Variants in DEPDC1 observed in about 807,000 individuals in gnomAD.
DEPDC1 encodes the protein DEP domain containing 1.
In DEPDC1, 66 loss-of-function variants were observed where a neutral mutation model predicts 86.8. The ratio of observed to expected loss-of-function variants is 0.76; its 90% CI spans 0.62 to 0.93. The LOEUF (loss-of-function observed/expected upper bound fraction) is 0.93, where lower values mean the gene tolerates loss of function less well. Ranked by LOEUF, DEPDC1 falls within the 40% of genes least tolerant of loss-of-function variation. The pLI is 0.00. For missense variants in DEPDC1, 792 were observed against 935.7 expected (o/e 0.85, Z 2.00); for synonymous variants, 255 against 314.9 (o/e 0.81, Z 2.02).
At chr1:68,479,769 C>CTCTA (rs1646141503) in intron 9 of DEPDC1, among the ~76,000 whole-genome samples, 1 of 150,146 alleles carries the variant, frequency 6.7e-6, no homozygotes, top group African/African-American at 2.5e-5. Context: ...CACCACTGTA[C>CTCTA]TCTAGCCTGG....
rs750269602 is a variant in DEPDC1 at position 68,477,747 on chromosome 1, G to A, written c.2298+40C>T. 3.1e-6 allele frequency: 4 copies of A among 1,289,056 alleles called. No individual in the cohort carries two copies. In the East Asian group the frequency reaches 7.3e-5, roughly 24 times the overall value. The allele number at this position is 1,289,056 out of a possible 1,614,324, so 79.9% of individuals were successfully genotyped here. A position where few individuals can be genotyped will look rare whatever the true frequency, so the allele number is the denominator to read the frequency against. ...ATTAACAACCAGGAACAGCACATTA[G>A]AAAATGTTTACATGATTGAGAACTT... On this transcript the variant is annotated intron_variant, in intron 11 of 11. Transcript: ENST00000456315.
intron 3 of DEPDC1, 106 bp from the exon 4 acceptor site, chr1:68,489,140 T>C: frequency 1.4e-6 from 1 of 731,944 alleles, no homozygotes; most frequent in Non-Finnish European, 2.3e-6. Flanking sequence ...CTATAAAGTA[T>C]CTCCCAAAGA....
At chr1:68,486,596 T>C (rs1183731712) in intron 6 of DEPDC1, among the ~76,000 whole-genome samples, 1 of 151,280 alleles carries the variant, frequency 6.6e-6, no homozygotes, top group Non-Finnish European at 1.5e-5. Flanking sequence ...TACCAAGGAG[T>C]TCAAGCCATT....
chr1:68,483,262 G>A (rs781116561), intron 7 of DEPDC1: 4 of 523,056 alleles, frequency 7.6e-6, no homozygotes, highest in Non-Finnish European at 1.5e-5. Context: ...TTTGATCTTT[G>A]TCCTTGGTAC....
At chr1:68,483,091 A>G (rs1646169164) in intron 7 of DEPDC1, 194 bp from the exon 8 acceptor site, 1 of 609,838 alleles carries the variant, frequency 1.6e-6, no homozygotes, top group Non-Finnish European at 2.8e-6. Context: ...CGTGCAAGAC[A>G]GATGAGTGGT....
Position 68,483,993 on chromosome 1 carries a change from A to C in DEPDC1, c.867T>G (p.Pro289=), listed in dbSNP as rs1646175469. The C allele has an allele frequency of 1.3e-6, 2 of 1,555,188 alleles. No homozygotes were observed. Among genetic ancestry groups the C allele is most frequent in the African/African-American group, 2.8e-5 (2 of 72,252 alleles). Residue 289 remains proline, a synonymous_variant, in exon 7 of 12, where the codon CCT becomes CCG. Transcript: ENST00000456315. ...IADYFLDLPE[P]LLTFEYYELF... ...ATTCGTAATATTCAAAAGTAAGTAG[A>C]GGTTCAGGGAGATCTAGAAAATAAT...
At chr1:68,480,782 G>A (rs964347423) in intron 9 of DEPDC1, among the ~76,000 whole-genome samples, 10 of 151,634 alleles carry the variant, frequency 6.6e-5, no homozygotes, top group African/African-American at 1.7e-4. Flanking sequence ...TTAATAACGC[G>A]TGGAAGAAAG....
Position 68,494,873 on chromosome 1 carries a change from T to C in DEPDC1, c.49-178A>G, listed in dbSNP as rs190755172. ...AAATTTTATATCTGGCCGGGCACGG[T>C]GGCTCATGCCTGTAATCCCAGCACT... On this transcript the variant is annotated intron_variant, in intron 1 of 11. Coordinates refer to ENST00000456315, the MANE Select transcript of DEPDC1 (RefSeq NM_001114120.3). 4.6e-3 allele frequency among the ~76,000 whole-genome samples: 706 copies of C among 152,354 alleles called. 4 individuals carry two copies. The highest frequency in any genetic ancestry group is 0.02 in the Middle Eastern group (6 of 294).
Position 68,497,071 on chromosome 1 carries a change from G to T in DEPDC1, c.-72C>A. The T allele has an allele frequency of 1.3e-6, 2 of 1,543,882 alleles. No homozygotes were observed. Among genetic ancestry groups the T allele is most frequent in the Non-Finnish European group, 1.8e-6 (2 of 1,121,104 alleles). On this transcript the variant is annotated 5_prime_UTR_variant, in exon 1 of 12. Coordinates refer to ENST00000456315, the MANE Select transcript of DEPDC1 (RefSeq NM_001114120.3). ...CAGGCCCAGCGGCCGCGGCAGTGGC[G>T]AGTCTCGGCACAACCGTTGGCCCCG...
At position 68,476,681 on chromosome 1, in the gene DEPDC1, G is replaced by C. The variant is rs1466084780; in HGVS notation, c.*251C>G. The C allele has an allele frequency of 3.3e-6, 1 of 300,526 alleles. No homozygotes were observed. Among genetic ancestry groups the C allele is most frequent in the Admixed American group, 5.0e-5 (1 of 19,910 alleles). 18.6% of individuals were successfully genotyped at this position (300,526 alleles called of 1,614,324 possible). A position where few individuals can be genotyped will look rare whatever the true frequency, so the allele number is the denominator to read the frequency against. ...TAAATAAAATTTTAGCACACATCAT[G>C]ATAGCCTTACTGGATAGCTGTGTTA... On this transcript the variant is annotated 3_prime_UTR_variant, in exon 12 of 12. Transcript: ENST00000456315.
chr1:68,493,219 T>G (rs984418732), intron 2 of DEPDC1, among the ~76,000 whole-genome samples: 2 of 152,194 alleles, frequency 1.3e-5, no homozygotes, highest in African/African-American at 4.8e-5. Context: ...TTCATATGAT[T>G]GTTATTGTAG....
intron 2 of DEPDC1, among the ~76,000 whole-genome samples, chr1:68,493,552 G>A (rs1646242964): frequency 6.6e-6 from 1 of 152,162 alleles, no homozygotes; most frequent in African/African-American, 2.4e-5. Flanking sequence ...AAGATTTGTT[G>A]AAGCATGGTC....
intron 1 of DEPDC1, among the ~76,000 whole-genome samples, chr1:68,495,497 C>CTAAG (rs1403090750): frequency 6.6e-6 from 1 of 152,170 alleles, no homozygotes; most frequent in Non-Finnish European, 1.5e-5. Flanking sequence ...GGTCACACAG[C>CTAAG]TAAGTGATGA....
intron 2 of DEPDC1, among the ~76,000 whole-genome samples, chr1:68,494,167 A>G (rs1345646509): frequency 6.6e-6 from 1 of 152,254 alleles, no homozygotes; most frequent in Non-Finnish European, 1.5e-5. Context: ...TGTTCAGAAT[A>G]TGCGGAAGTG....
chr1:68,495,156 T>A (rs1292979370), intron 1 of DEPDC1, among the ~76,000 whole-genome samples: 1 of 151,746 alleles, frequency 6.6e-6, no homozygotes, highest in East Asian at 1.9e-4. Flanking sequence ...AAAAAAAAAA[T>A]TATATCTTAC....
intron 6 of DEPDC1, among the ~76,000 whole-genome samples, chr1:68,486,506 C>T (rs984084768): frequency 6.6e-5 from 10 of 151,848 alleles, no homozygotes; most frequent in African/African-American, 2.4e-4. Flanking sequence ...CAAACTAATA[C>T]AATGACAGAT....
At chr1:68,493,856 C>T (rs993581298) in intron 2 of DEPDC1, among the ~76,000 whole-genome samples, 1 of 152,032 alleles carries the variant, frequency 6.6e-6, no homozygotes, top group Non-Finnish European at 1.5e-5. Context: ...TGCTACTACA[C>T]CCAACTCATT....
rs1300516400 is a variant in DEPDC1 at position 68,482,812 on chromosome 1, G to A, written c.996C>T (p.His332=). 5.6e-6 allele frequency: 9 copies of A among 1,612,264 alleles called. No individual in the cohort carries two copies. Among genetic ancestry groups the A allele is most frequent in the Non-Finnish European group, 7.6e-6 (9 of 1,179,072 alleles). The change falls in exon 8 of 12, where the codon CAC becomes CAT. Residue 332 remains histidine (H), a synonymous_variant. Transcript: ENST00000456315. Reference sequence around the variant, plus strand: ...ATTTGAAGGAATTCAAATTGTTTAAGTGAAGGAATTTTGAAGACTGTGGAT... The same window carrying A: ...ATTTGAAGGAATTCAAATTGTTTAAATGAAGGAATTTTGAAGACTGTGGAT... ...QDDPQSSKFL[H]LNNLNSFKST... is the part of the protein sequence containing the mutation.
rs746934060 is a variant in DEPDC1 at position 68,489,493 on chromosome 1, A to G, written c.430T>C (p.Ser144Pro). ...CCATGCCTTTTAGGAGTTCTACGAG[A>G]TAAGTTTCGTAATTTAAAAATGCTA... ...KDSIFKLRNL[S>P]RRTPKRHGLH... The change falls in exon 3 of 12, where the codon TCT becomes CCT. Residue 144 changes from serine (S) to proline (P), a missense_variant. Physicochemically the swap from Ser to Pro is moderately conservative, Grantham distance 74. Transcript: ENST00000456315. 2.0e-6 allele frequency: 3 copies of G among 1,533,924 alleles called. No homozygotes were observed. Among genetic ancestry groups the G allele is most frequent in the South Asian group, 1.3e-5 (1 of 76,080 alleles).
Sources: gnomAD v4.1 joint callset for allele counts (sites outside exome capture counted in the v4.1 genomes callset) on GRCh38, gnomAD v4.1.1 for gene constraint, MANE v1.5 for transcripts, NCBI Gene and HGNC (gene_info 2026-07-23, HGNC 2026-07-21) for gene names.